RAD51B: variants seen among roughly 807,000 people sequenced by gnomAD.
The protein encoded by RAD51B is DNA repair protein RAD51 homolog 2.
Under a neutral mutation model 42.2 loss-of-function variants are expected in RAD51B, and 38 were observed. The observed-to-expected ratio is 0.90, with a 90% CI of 0.70 to 1.18. The LOEUF is 1.18. Among genes scored for constraint, RAD51B ranks in the 50% most tolerant of loss-of-function variants. The probability of loss-of-function intolerance (pLI) is 0.00; values close to 1 mark genes in which losing one functional copy is unlikely to be tolerated. For synonymous variants in RAD51B, 154 were observed against 145.2 expected, an observed-to-expected ratio of 1.06 and a Z score of -0.43; for missense variants, 373 against 400.7, an observed-to-expected ratio of 0.93 and a Z score of 0.59.
chr14:68,648,048 TAG>T (rs1258030558), intron 10 of RAD51B, among the ~76,000 whole-genome samples: 1,366 of 133,110 alleles, frequency 0.01, 110 homozygotes, highest in African/African-American at 0.035. Context: ...CACACGTATA[TAG>T]ATGTGTGTGT....
chr14:68,333,114 C>G (rs972748298), intron 8 of RAD51B, among the ~76,000 whole-genome samples: 1 of 152,204 alleles, frequency 6.6e-6, no homozygotes, highest in African/African-American at 2.4e-5. Flanking sequence ...ATATACTGCT[C>G]TGCTACAGAG....
intron 7 of RAD51B, among the ~76,000 whole-genome samples, chr14:68,123,191 C>CTTTTTTTTTTTTTTTTTTTTTTTTTTTTT (rs541886088): frequency 8.0e-6 from 1 of 125,502 alleles, no homozygotes; most frequent in African/African-American, 3.2e-5. Flanking sequence ...TTCTTTCTTT[C>CTTTTTTTTTTTTTTTTTTTTTTTTTTTTT]TTTTTTTTTT....
intron 10 of RAD51B, among the ~76,000 whole-genome samples, chr14:68,519,906 A>G (rs1485010621): frequency 6.6e-6 from 1 of 152,242 alleles, no homozygotes; most frequent in African/African-American, 2.4e-5. Flanking sequence ...GCAGAAAGAA[A>G]AAGAGAAAAA....
At chr14:68,318,709 A>G (rs139526965) in intron 8 of RAD51B, among the ~76,000 whole-genome samples, 12 of 152,312 alleles carry the variant, frequency 7.9e-5, no homozygotes, top group African/African-American at 2.6e-4. Context: ...GCTAGAGACA[A>G]TGGCCAGCAC....
intron 7 of RAD51B, among the ~76,000 whole-genome samples, chr14:68,107,142 A>G (rs2075547031): frequency 6.6e-6 from 1 of 151,830 alleles, no homozygotes; most frequent in African/African-American, 2.4e-5. Flanking sequence ...TGGCTATGAC[A>G]CAGTTAAGCT....
intron 9 of RAD51B, among the ~76,000 whole-genome samples, chr14:68,445,688 T>G (rs1185016901): frequency 6.6e-6 from 1 of 152,200 alleles, no homozygotes; most frequent in Non-Finnish European, 1.5e-5. Flanking sequence ...ATAATTAAAA[T>G]TATCATTCTT....
chr14:68,227,497 C>T (rs2140975777), intron 7 of RAD51B, among the ~76,000 whole-genome samples: 2 of 152,302 alleles, frequency 1.3e-5, no homozygotes, highest in Admixed American at 1.3e-4. Flanking sequence ...TTAAATAAAA[C>T]AATTCCAGTA....
At chr14:68,301,052 T>C (rs1322451981) in intron 8 of RAD51B, among the ~76,000 whole-genome samples, 2 of 152,200 alleles carry the variant, frequency 1.3e-5, no homozygotes, top group Non-Finnish European at 2.9e-5. Flanking sequence ...TATGTGTATA[T>C]GTGCAGTGTA....
downstream of RAD51B, chr14:68,611,659 G>A: frequency 1.1e-5 from 3 of 272,000 alleles, no homozygotes; most frequent in East Asian, 5.4e-5. Context: ...TGTGCACACT[G>A]TGCAGTCGCA....
At chr14:68,559,872 C>T (rs1474753022) in intron 10 of RAD51B, among the ~76,000 whole-genome samples, 2 of 152,152 alleles carry the variant, frequency 1.3e-5, no homozygotes, top group African/African-American at 4.8e-5. Context: ...AGGCAGAAGC[C>T]CTATGTCTGC....
intron 3 of RAD51B, among the ~76,000 whole-genome samples, chr14:67,829,652 A>AT (rs918695718): frequency 2.0e-5 from 3 of 151,618 alleles, no homozygotes; most frequent in Non-Finnish European, 2.9e-5. Flanking sequence ...TCTTCAGGAA[A>AT]TTTTTTTTGC....
chr14:68,423,925 A>G (rs1156829491), intron 9 of RAD51B, among the ~76,000 whole-genome samples: 1 of 152,230 alleles, frequency 6.6e-6, no homozygotes, highest in East Asian at 1.9e-4. Flanking sequence ...TCACCATTCA[A>G]TCAGGGGAAG....
chr14:68,054,417 ATTTTG>A (rs2076442192), intron 7 of RAD51B, among the ~76,000 whole-genome samples: 1 of 152,172 alleles, frequency 6.6e-6, no homozygotes, highest in Non-Finnish European at 1.5e-5. Context: ...CAGAATTGAT[ATTTTG>A]TTTTTATCTG....
chr14:67,990,640 T>C (rs1276644828), intron 7 of RAD51B, among the ~76,000 whole-genome samples: 1 of 152,088 alleles, frequency 6.6e-6, no homozygotes, highest in Non-Finnish European at 1.5e-5. Flanking sequence ...GAACTAAAAA[T>C]ATACAAATAC....
chr14:67,961,958 A>G (rs768689662), intron 7 of RAD51B, among the ~76,000 whole-genome samples: 1 of 152,230 alleles, frequency 6.6e-6, no homozygotes, highest in Non-Finnish European at 1.5e-5. Context: ...ACACATACAC[A>G]TAGACTCACA....
chr14:67,947,932 C>T (rs2045451887), intron 7 of RAD51B, among the ~76,000 whole-genome samples: 1 of 152,182 alleles, frequency 6.6e-6, no homozygotes, highest in Non-Finnish European at 1.5e-5. Flanking sequence ...CATTTATCTT[C>T]ATGTCTTCTT....
At position 68,296,157 on chromosome 14, in the gene RAD51B, T is replaced by C. The variant is rs575731277; in HGVS notation, c.853+4177T>C. On this transcript the variant is annotated intron_variant, in intron 8 of 10. Coordinates refer to ENST00000471583, the MANE Select transcript of RAD51B (RefSeq NM_133510.4). Reference sequence around the variant, plus strand: ...GTAAATCAGAATTAAACCCTATCATTGGGTGAATGTTTCTGATCTTCAGGC... The same window carrying C: ...GTAAATCAGAATTAAACCCTATCATCGGGTGAATGTTTCTGATCTTCAGGC... Among the ~76,000 whole-genome samples, 5 of 152,282 alleles carry C rather than the reference T, an allele frequency of 3.3e-5. No individual in the cohort carries two copies. The South Asian group carries it at 1.0e-3, about 32-fold the overall frequency.
intron 10 of RAD51B, among the ~76,000 whole-genome samples, chr14:68,625,723 A>T (rs761605059): frequency 9.9e-5 from 15 of 151,936 alleles, no homozygotes; most frequent in Non-Finnish European, 1.9e-4. Flanking sequence ...CAGATGGGGG[A>T]GGTCTTGAAC....
chr14:68,363,350 T>C (rs1342867304), intron 8 of RAD51B, among the ~76,000 whole-genome samples: 1 of 152,264 alleles, frequency 6.6e-6, no homozygotes, highest in Non-Finnish European at 1.5e-5. Context: ...AATAAAGTGA[T>C]GCATACCCAT....
Sources: allele counts gnomAD v4.1 joint callset (sites outside exome capture counted in the v4.1 genomes callset), GRCh38; gene constraint gnomAD v4.1.1; transcripts MANE v1.5; gene names NCBI Gene and HGNC (gene_info 2026-07-23, HGNC 2026-07-21).